SEMA3E: variants seen among roughly 807,000 people sequenced by gnomAD.
The protein encoded by SEMA3E is semaphorin 3E.
In SEMA3E, 49 loss-of-function variants were observed where a neutral mutation model predicts 93.6. The observed-to-expected ratio is 0.52, with a 90% CI of 0.42 to 0.66. SEMA3E has a LOEUF of 0.66. Ranked by LOEUF, SEMA3E falls within the 30% of genes least tolerant of loss-of-function variation. The pLI, the probability that SEMA3E is intolerant of heterozygous loss-of-function variation, is 0.00. For synonymous variants in SEMA3E, 363 were observed against 330.7 expected (o/e 1.10, Z -1.06); for missense variants, 906 against 964.8 (o/e 0.94, Z 0.81).
intron 4 of SEMA3E, among the ~76,000 whole-genome samples, chr7:83,423,477 G>C (rs1221965571): frequency 6.6e-6 from 1 of 151,046 alleles, no homozygotes; most frequent in African/African-American, 2.4e-5. Flanking sequence ...AAACTCTTCT[G>C]GTTTGCTTTC....
intron 1 of SEMA3E, among the ~76,000 whole-genome samples, chr7:83,594,443 G>T (rs1792824807): frequency 1.3e-5 from 2 of 152,080 alleles, no homozygotes; most frequent in Non-Finnish European, 2.9e-5. Context: ...AGTGGAAAAG[G>T]ATCAGACTAA....
intron 5 of SEMA3E, among the ~76,000 whole-genome samples, chr7:83,418,097 T>C (rs1788592247): frequency 6.6e-6 from 1 of 152,186 alleles, no homozygotes; most frequent in African/African-American, 2.4e-5. Context: ...TTATAAAGTC[T>C]TCATATAATT....
chr7:83,563,309 G>A (rs558755889), intron 1 of SEMA3E, among the ~76,000 whole-genome samples: 1 of 152,294 alleles, frequency 6.6e-6, no homozygotes, highest in East Asian at 1.9e-4. Flanking sequence ...TAGAGAAATA[G>A]CATTCAACAA....
intron 1 of SEMA3E, among the ~76,000 whole-genome samples, chr7:83,493,146 A>C (rs1790418467): frequency 6.6e-6 from 1 of 151,974 alleles, no homozygotes; most frequent in African/African-American, 2.4e-5. Flanking sequence ...AAAGAAGCAA[A>C]TCGACACTTA....
intron 1 of SEMA3E, among the ~76,000 whole-genome samples, chr7:83,633,257 C>T (rs1404491434): frequency 1.3e-5 from 2 of 152,044 alleles, no homozygotes; most frequent in Admixed American, 1.3e-4. Context: ...ACCTTCTTAG[C>T]AATTACTATG....
At chr7:83,590,394 T>A (rs982495647) in intron 1 of SEMA3E, among the ~76,000 whole-genome samples, 3 of 152,296 alleles carry the variant, frequency 2.0e-5, no homozygotes, top group Admixed American at 1.3e-4. Context: ...ATATATTTGA[T>A]GACTATTGGA....
intron 1 of SEMA3E, among the ~76,000 whole-genome samples, chr7:83,598,120 A>G (rs767522509): frequency 1.3e-5 from 2 of 152,200 alleles, no homozygotes; most frequent in African/African-American, 2.4e-5. Context: ...ATTCTCATCA[A>G]TATGGAGAGT....
intron 16 of SEMA3E, among the ~76,000 whole-genome samples, chr7:83,369,075 A>G (rs1243176528): frequency 6.6e-6 from 1 of 152,206 alleles, no homozygotes; most frequent in Non-Finnish European, 1.5e-5. Context: ...ACATTCATCT[A>G]ACCAAAAACA....
At chr7:83,643,191 C>G (rs1398407421) in intron 1 of SEMA3E, among the ~76,000 whole-genome samples, 1 of 151,950 alleles carries the variant, frequency 6.6e-6, no homozygotes, top group East Asian at 1.9e-4. Flanking sequence ...AAACAGAGGC[C>G]CTCTCTGTGT....
At position 83,418,864 on chromosome 7, in the gene SEMA3E, T is replaced by A. The variant is rs1411088891; in HGVS notation, c.457-381A>T. On this transcript the variant is annotated intron_variant, in intron 4 of 16. Coordinates refer to ENST00000643230, the MANE Select transcript of SEMA3E (RefSeq NM_012431.3). The stretch of plus-strand genomic sequence containing the variant: ...AATGATAGTGGGCTTTTATCAAGCA[T>A]ATCAAGAATGCTGTTGTTGATTTTT... Among the ~76,000 whole-genome samples the A allele has an allele frequency of 3.4e-5, 5 of 149,046 alleles. No homozygotes were observed. In the Admixed American group the frequency reaches 3.4e-4, roughly 10 times the overall value.
At chr7:83,557,505 T>C (rs1221580709) in intron 1 of SEMA3E, among the ~76,000 whole-genome samples, 1 of 151,948 alleles carries the variant, frequency 6.6e-6, no homozygotes, top group Non-Finnish European at 1.5e-5. Flanking sequence ...TGTAAAAATA[T>C]TAAAGGAAAA....
rs1794638114 is a variant in SEMA3E at position 83,364,560 on chromosome 7, A to G, written c.*3026T>C. The G allele has an allele frequency of 6.6e-6, 1 of 152,226 alleles. No homozygotes were observed. Among genetic ancestry groups the G allele is most frequent in the African/African-American group, 2.4e-5 (1 of 41,460 alleles). 9.4% of individuals were successfully genotyped at this position (152,226 alleles called of 1,614,324 possible). A position where few individuals can be genotyped will look rare whatever the true frequency, so the allele number is the denominator to read the frequency against. ...TCACACAAAAGAAAAAATTAGCAATATAGAATTATAGACGTGGAATCACGA... is the reference window on the plus strand; with the variant it reads ...TCACACAAAAGAAAAAATTAGCAATGTAGAATTATAGACGTGGAATCACGA... On this transcript the variant is annotated 3_prime_UTR_variant, in exon 17 of 17. Transcript: ENST00000643230.
At position 83,364,659 on chromosome 7, in the gene SEMA3E, T is replaced by G. The variant is rs1389973216; in HGVS notation, c.*2927A>C. 2 of 152,218 alleles carry G rather than the reference T, an allele frequency of 1.3e-5. No individual in the cohort carries two copies. 9.4% of individuals were successfully genotyped at this position (152,218 alleles called of 1,614,324 possible). On this transcript the variant is annotated 3_prime_UTR_variant, in exon 17 of 17. Coordinates refer to ENST00000643230, the MANE Select transcript of SEMA3E (RefSeq NM_012431.3). ...ACGTTGTGCTGAAGGAGGAGGTGAA[T>G]GGGCATTGTTTTATGTCAAAACTAA... is the stretch of plus-strand genomic sequence containing the variant.
At chr7:83,497,123 G>A (rs1584289405) in intron 1 of SEMA3E, among the ~76,000 whole-genome samples, 1 of 152,150 alleles carries the variant, frequency 6.6e-6, no homozygotes, top group South Asian at 2.1e-4. Context: ...GATATACTCT[G>A]AGGATTTAGT....
chr7:83,400,270 G>A lies in SEMA3E; in HGVS notation c.1144-20C>T, dbSNP rs895890716. On this transcript the variant is annotated intron_variant, in intron 10 of 16. Transcript: ENST00000643230. Reference sequence around the variant, plus strand: ...GGCACACTGAAAAACAAGTGGATCAGATAATTCTTTTTGCTTTACACCCAA... The same window carrying A: ...GGCACACTGAAAAACAAGTGGATCAAATAATTCTTTTTGCTTTACACCCAA... The A allele has an allele frequency of 6.2e-7, 1 of 1,608,628 alleles. No individual in the cohort carries two copies. The highest frequency in any genetic ancestry group is 1.3e-5 in the African/African-American group (1 of 74,874).
intron 4 of SEMA3E, among the ~76,000 whole-genome samples, chr7:83,435,388 G>T (rs1788983940): frequency 1.3e-5 from 2 of 152,126 alleles, no homozygotes; most frequent in African/African-American, 4.8e-5. Flanking sequence ...GAGGTCAGGA[G>T]TTCGAGACCA....
At chr7:83,570,229 GAAGA>G (rs1792244935) in intron 1 of SEMA3E, among the ~76,000 whole-genome samples, 1 of 152,162 alleles carries the variant, frequency 6.6e-6, no homozygotes, top group Admixed American at 6.5e-5. Flanking sequence ...GCAGCGTTAA[GAAGA>G]AAGTTCATAG....
intron 2 of SEMA3E, among the ~76,000 whole-genome samples, chr7:83,482,906 C>T (rs1336437984): frequency 1.4e-5 from 1 of 70,968 alleles, no homozygotes; most frequent in Non-Finnish European, 2.7e-5. Context: ...TGTAAGGATA[C>T]AGAGGTATGA....
chr7:83,459,946 C>A (rs1789575450), intron 4 of SEMA3E, among the ~76,000 whole-genome samples: 1 of 152,136 alleles, frequency 6.6e-6, no homozygotes, highest in Non-Finnish European at 1.5e-5. Context: ...GAGAACAAAC[C>A]CCTTTTGACT....
Sources: gnomAD v4.1 joint callset for allele counts (sites outside exome capture counted in the v4.1 genomes callset) on GRCh38, gnomAD v4.1.1 for gene constraint, MANE v1.5 for transcripts, NCBI Gene and HGNC (gene_info 2026-07-23, HGNC 2026-07-21) for gene names.